Variants in CLASP2 observed in about 807,000 individuals in gnomAD.
CLASP2 encodes the protein CLIP-associating protein 2.
A neutral mutation model predicts 194.4 loss-of-function variants in CLASP2; 47 were observed. The ratio of observed to expected loss-of-function variants is 0.24; its 90% confidence interval spans 0.19 to 0.31. The LOEUF (loss-of-function observed/expected upper bound fraction) is 0.31, where lower values mean the gene tolerates loss of function less well. Ranked by LOEUF, CLASP2 falls within the 10% of genes least tolerant of loss-of-function variation. The probability of loss-of-function intolerance (pLI) is 1.00; values close to 1 mark genes in which losing one functional copy is unlikely to be tolerated. For missense variants in CLASP2, 1,445 were observed against 1,823.6 expected, an observed-to-expected ratio of 0.79 and a Z score of 3.78; for synonymous variants, 619 against 633.5, an observed-to-expected ratio of 0.98 and a Z score of 0.34.
chr3:33,681,722 A>C (rs964193739), intron 6 of CLASP2, among the ~76,000 whole-genome samples: 3 of 152,242 alleles, frequency 2.0e-5, no homozygotes, highest in Non-Finnish European at 4.4e-5. Flanking sequence ...CTGGTTCAAC[A>C]AACTGTTAAA....
rs2089647776 is a variant in CLASP2 at position 33,680,581 on chromosome 3, G to A, written c.644+3778C>T. Among the ~76,000 whole-genome samples the A allele has an allele frequency of 1.3e-5, 2 of 152,204 alleles. 1 individual carries two copies. Among genetic ancestry groups the A allele is most frequent in the Admixed American group, 1.3e-4 (2 of 15,286 alleles). On this transcript the variant is annotated intron_variant, in intron 6 of 38. Coordinates refer to ENST00000682230, the MANE Select transcript of CLASP2 (RefSeq NM_001365631.1). ...CCCAGAACTTTGGGAGGCTGAGGCA[G>A]GAGAACTGCTTGAGCCCAGAAGTTA...
Position 33,644,980 on chromosome 3 carries a change from A to G in CLASP2, c.716-77T>C, listed in dbSNP as rs1422101699. The G allele has an allele frequency of 7.8e-6, 11 of 1,411,266 alleles. No homozygotes were observed. The East Asian group carries it at 2.7e-4, about 35-fold the overall frequency. 87.4% of individuals were successfully genotyped at this position (1,411,266 alleles called of 1,614,324 possible). ...TTTCCCTAAAGCTCAAAAATAAAAT[A>G]AAGCCATATATAAAATCATTACTTT... On this transcript the variant is annotated intron_variant, in intron 7 of 38. Coordinates refer to ENST00000682230, the MANE Select transcript of CLASP2 (RefSeq NM_001365631.1).
At chr3:33,717,755 TA>T in intron 1 of CLASP2, 52 bp downstream of exon 1, 1 of 1,537,998 alleles carries the variant, frequency 6.5e-7, no homozygotes. Flanking sequence ...CGTCCGGGAT[TA>T]AAGGGCTGCC....
Position 33,644,665 on chromosome 3 carries a change from T to C in CLASP2, c.862+92A>G, listed in dbSNP as rs1300760367. The C allele has an allele frequency of 5.1e-6, 7 of 1,375,336 alleles. No homozygotes were observed. The Admixed American group carries it at 1.2e-4, about 23-fold the overall frequency. The allele number at this position is 1,375,336 out of a possible 1,614,324, so 85.2% of individuals were successfully genotyped here. A position where few individuals can be genotyped will look rare whatever the true frequency, so the allele number is the denominator to read the frequency against. On this transcript the variant is annotated intron_variant, in intron 8 of 38. Coordinates refer to ENST00000682230, the MANE Select transcript of CLASP2 (RefSeq NM_001365631.1). ...CAGATCTGCAATCGTGCTGCAGTCA[T>C]GAATAAACATATTCCTCTGAAGTTC...
At chr3:33,530,004 A>AT (rs2055839631) in intron 34 of CLASP2, among the ~76,000 whole-genome samples, 4 of 150,874 alleles carry the variant, frequency 2.7e-5, no homozygotes, top group African/African-American at 9.8e-5. Context: ...AAAAAAAAAA[A>AT]AAAAAAAGAT....
At chr3:33,601,802 C>T (rs2072284590) in intron 18 of CLASP2, among the ~76,000 whole-genome samples, 1 of 152,096 alleles carries the variant, frequency 6.6e-6, no homozygotes, top group Non-Finnish European at 1.5e-5. Flanking sequence ...TGATCTATTC[C>T]TCTTCACGGT....
At chr3:33,505,255 A>AACAACG (rs1462798449) in intron 37 of CLASP2, 3 of 151,310 alleles carry the variant, frequency 2.0e-5, no homozygotes, top group African/African-American at 7.3e-5. Flanking sequence ...CAACAACAAC[A>AACAACG]ACAACAACAA....
intron 21 of CLASP2, among the ~76,000 whole-genome samples, chr3:33,590,999 AGTGGG>A (rs1320596420): frequency 0.029 from 4,382 of 151,684 alleles, 207 homozygotes; most frequent in African/African-American, 0.099. Context: ...TGGGCAACAC[AGTGGG>A]AACCCACCTC....
In CLASP2 at chr3:33,559,356, T is replaced by C. The variant is rs780398129; in HGVS notation, c.2960A>G (p.Asn987Ser). ...RESFPNDLQFNILMRFTVDQT... is the reference protein window; with the variant it reads ...RESFPNDLQFSILMRFTVDQT... ...ATCAACTGTAAATCTCATTAGAATATTGAACTGAAGATCATTTGGAAAAGA... is the reference window on the plus strand; with the variant it reads ...ATCAACTGTAAATCTCATTAGAATACTGAACTGAAGATCATTTGGAAAAGA... Residue 987 changes from asparagine to serine, a missense_variant, in exon 29 of 39, where the codon AAT becomes AGT. Asn to Ser is a conservative substitution (Grantham distance 46). Around this residue, in one of 4 missense-constraint regions of CLASP2, gnomAD observed 732 missense variants for 987.9 expected, o/e 0.74. Transcript: ENST00000682230. 27 of 1,597,412 alleles carry C rather than the reference T, an allele frequency of 1.7e-5. No homozygotes were observed. The Admixed American group carries it at 1.9e-4, about 11-fold the overall frequency.
chr3:33,674,766 T>C (rs1042300202), intron 6 of CLASP2, among the ~76,000 whole-genome samples: 2 of 151,902 alleles, frequency 1.3e-5, no homozygotes, highest in Admixed American at 6.6e-5. Flanking sequence ...TCACCACCGA[T>C]CCCACAGAAA....
At position 33,554,385 on chromosome 3, in the gene CLASP2, G is replaced by GT. The variant is rs1297986443; in HGVS notation, c.3010-2991dup. On this transcript the variant is annotated intron_variant, in intron 29 of 38. Coordinates refer to ENST00000682230, the MANE Select transcript of CLASP2 (RefSeq NM_001365631.1). Reference sequence around the variant, plus strand: ...GAAGATGAACCTGGAGGACAATACCGTAAGTGAAATAAGCCAGACATAGAA... The same window carrying GT: ...GAAGATGAACCTGGAGGACAATACCGTTAAGTGAAATAAGCCAGACATAGAA... 3.9e-5 allele frequency among the ~76,000 whole-genome samples: 6 copies of GT among 152,264 alleles called. No homozygotes were observed. In the South Asian group the frequency reaches 6.2e-4, roughly 16 times the overall value.
At chr3:33,534,140 T>C (rs1020416549) in intron 34 of CLASP2, among the ~76,000 whole-genome samples, 8 of 152,196 alleles carry the variant, frequency 5.3e-5, no homozygotes, top group African/African-American at 1.9e-4. Context: ...TATAGAATCA[T>C]GGGATAGTGT....
chr3:33,561,068 A>G (rs748747431), intron 27 of CLASP2, 97 bp from the exon 28 acceptor site: 8 of 1,082,662 alleles, frequency 7.4e-6, no homozygotes, highest in Non-Finnish European at 1.1e-5. Flanking sequence ...CACAGGAATC[A>G]GAGGCACAGC....
chr3:33,628,895 A>G (rs2078541375), intron 9 of CLASP2, among the ~76,000 whole-genome samples: 2 of 152,124 alleles, frequency 1.3e-5, no homozygotes, highest in African/African-American at 4.8e-5. Flanking sequence ...ACAGAGATGA[A>G]GTGGACAAAG....
chr3:33,641,683 T>C (rs2081325676), intron 8 of CLASP2, among the ~76,000 whole-genome samples: 1 of 151,840 alleles, frequency 6.6e-6, no homozygotes, highest in African/African-American at 2.4e-5. Context: ...TATATATCTC[T>C]AGAAGAAGTA....
intron 1 of CLASP2, among the ~76,000 whole-genome samples, chr3:33,709,236 G>C (rs1656960796): frequency 6.6e-6 from 1 of 152,036 alleles, no homozygotes; most frequent in Non-Finnish European, 1.5e-5. Context: ...ACAGTTTTAG[G>C]TCTTGCATTT....
At chr3:33,568,765 C>T (rs1411072544) in intron 26 of CLASP2, among the ~76,000 whole-genome samples, 1 of 151,766 alleles carries the variant, frequency 6.6e-6, no homozygotes, top group Non-Finnish European at 1.5e-5. Context: ...GTTGCTGAGT[C>T]TGATATAGAA....
In CLASP2 at chr3:33,501,567, A is replaced by G. The variant is rs1041140883; in HGVS notation, c.4434+85T>C. ...AAGCCTGACTTATTAAATGCCAAATAAAAAGCTTACTGTTACAGACATGTA... is the reference window on the plus strand; with the variant it reads ...AAGCCTGACTTATTAAATGCCAAATGAAAAGCTTACTGTTACAGACATGTA... On this transcript the variant is annotated intron_variant, in intron 38 of 38. Transcript: ENST00000682230. 6.3e-6 allele frequency: 5 copies of G among 790,158 alleles called. No individual in the cohort carries two copies. In the Admixed American group the frequency reaches 1.1e-4, roughly 17 times the overall value. The allele number at this position is 790,158 out of a possible 1,614,324, so 48.9% of individuals were successfully genotyped here. A position where few individuals can be genotyped will look rare whatever the true frequency, so the allele number is the denominator to read the frequency against.
intron 21 of CLASP2, among the ~76,000 whole-genome samples, chr3:33,588,903 G>A (rs1028071218): frequency 6.6e-6 from 1 of 152,088 alleles, no homozygotes; most frequent in Non-Finnish European, 1.5e-5. Flanking sequence ...AAGCACAGAT[G>A]TCTTTAACAA....
Sources: allele counts gnomAD v4.1 joint callset (sites outside exome capture counted in the v4.1 genomes callset), GRCh38; gene constraint gnomAD v4.1.1; regional missense constraint gnomAD v4.1.1; transcripts MANE v1.5; gene names NCBI Gene and HGNC (gene_info 2026-07-23, HGNC 2026-07-21).